The following KHK variants were observed in gnomAD, a reference collection of about 807,000 sequenced individuals.
KHK encodes the protein ketohexokinase.
In KHK, 37 loss-of-function variants were observed where a neutral mutation model predicts 36.0. That is an observed-to-expected ratio of 1.03 (90% CI 0.79 to 1.35). The LOEUF is 1.35. Among genes scored for constraint, KHK ranks in the 40% most tolerant of loss-of-function variants. The pLI is 0.00. For synonymous variants in KHK, 161 were observed against 162.8 expected, an observed-to-expected ratio of 0.99 and a Z score of 0.08; for missense variants, 395 against 391.9, an observed-to-expected ratio of 1.01 and a Z score of -0.07.
intron 2 of KHK, 181 bp from the exon 3 acceptor site, chr2:27,094,619 C>A (rs1392185814): frequency 6.2e-7 from 1 of 1,614,108 alleles, no homozygotes; most frequent in East Asian, 2.2e-5. Context: ...CAGGTTTGTA[C>A]AACTGTCTGT....
At position 27,100,402 on chromosome 2, in the gene KHK, C is replaced by A. The variant is rs1334882192; in HGVS notation, c.*652C>A. On this transcript the variant is annotated 3_prime_UTR_variant, in exon 8 of 8. Transcript: ENST00000260598. ...ACTGCCCCAGAGCCTGAAAGTCTCA[C>A]CCTTGGAGCCCACCTTGGAATTAAG... is the stretch of plus-strand genomic sequence containing the variant. The A allele has an allele frequency of 3.1e-6, 4 of 1,286,464 alleles. No homozygotes were observed. In the Admixed American group the frequency reaches 9.2e-5, roughly 30 times the overall value. The allele number at this position is 1,286,464 out of a possible 1,614,324, so 79.7% of individuals were successfully genotyped here.
Position 27,100,640 on chromosome 2 carries a change from CAGCACTT to C in KHK, c.*892_*898del, listed in dbSNP as rs1435039207. 10 of 1,089,398 alleles carry C rather than the reference CAGCACTT, an allele frequency of 9.2e-6. No individual in the cohort carries two copies. Among genetic ancestry groups the C allele is most frequent in the Non-Finnish European group, 1.2e-5 (10 of 835,432 alleles). 67.5% of individuals were successfully genotyped at this position (1,089,398 alleles called of 1,614,324 possible). A position where few individuals can be genotyped will look rare whatever the true frequency, so the allele number is the denominator to read the frequency against. On this transcript the variant is annotated 3_prime_UTR_variant, in exon 8 of 8. Transcript: ENST00000260598. The stretch of plus-strand genomic sequence containing the variant: ...ATTAGCTGCATATCACCTTAGGGTA[CAGCACTT>C]AACGCAATCTGCCTCAATTTCTTCA...
intron 2 of KHK, chr2:27,094,367 C>T (rs894918868): frequency 7.6e-7 from 1 of 1,321,964 alleles, no homozygotes; most frequent in Non-Finnish European, 1.1e-6. Context: ...TCCCAGCCCC[C>T]TTTGCTTGCA....
In KHK at chr2:27,099,878, T is replaced by A. The variant is rs571250340; in HGVS notation, c.*128T>A. 6.5e-7 allele frequency: 1 copy of A among 1,547,000 alleles called. No individual in the cohort carries two copies. The highest frequency in any genetic ancestry group is 2.0e-5 in the Admixed American group (1 of 51,042). ...CAGATGCAAGCTGTGGGGAGGACTCTGCCTGTGTCCTGTGTTCCCCACAGG... is the reference window on the plus strand; with the variant it reads ...CAGATGCAAGCTGTGGGGAGGACTCAGCCTGTGTCCTGTGTTCCCCACAGG... On this transcript the variant is annotated 3_prime_UTR_variant, in exon 8 of 8. Transcript: ENST00000260598.
At chr2:27,092,567 C>A in intron 2 of KHK, 119 bp downstream of exon 2, 1 of 770,294 alleles carries the variant, frequency 1.3e-6, no homozygotes, top group Non-Finnish European at 2.2e-6. Flanking sequence ...AGCAGAAACG[C>A]GGGGAGGGGG....
intron 3 of KHK, 91 bp from the exon 4 acceptor site, chr2:27,096,638 G>A: frequency 1.0e-6 from 1 of 987,858 alleles, no homozygotes; most frequent in Non-Finnish European, 1.6e-6. Flanking sequence ...AGCAGTGCAG[G>A]CACAGGGTCC....
intron 1 of KHK, among the ~76,000 whole-genome samples, chr2:27,091,806 A>G (rs527614025): frequency 3.0e-4 from 46 of 152,326 alleles, no homozygotes; most frequent in South Asian, 6.2e-4. Flanking sequence ...ACCAACGTCC[A>G]GGTTTGCTGT....
chr2:27,100,494 G>T lies in KHK; in HGVS notation c.*744G>T, dbSNP rs1404645455. On this transcript the variant is annotated 3_prime_UTR_variant, in exon 8 of 8. Coordinates refer to ENST00000260598, the MANE Select transcript of KHK (RefSeq NM_006488.3). ...TGCTGTCCTCAGGGAGGTCCGATCTGGAACACATATTGGAATTGGGGCCAA... is the reference window on the plus strand; with the variant it reads ...TGCTGTCCTCAGGGAGGTCCGATCTTGAACACATATTGGAATTGGGGCCAA... The T allele has an allele frequency of 1.5e-6, 2 of 1,290,990 alleles. No individual in the cohort carries two copies. The highest frequency in any genetic ancestry group is 5.5e-5 in the East Asian group (1 of 18,160). 80.0% of individuals were successfully genotyped at this position (1,290,990 alleles called of 1,614,324 possible).
chr2:27,099,664 G>C lies in KHK; in HGVS notation c.812-1G>C. On this transcript the variant is annotated splice_acceptor_variant, in intron 7 of 7. Transcript: ENST00000260598. LOFTEE classifies it high-confidence loss of function. ...GACCTAGCTACTTGCCCCTCCTCCA[G>C]GGAGGAGCGTGCAGGAAGCACTGAG... 6.2e-7 allele frequency: 1 copy of C among 1,614,128 alleles called. No individual in the cohort carries two copies. Among genetic ancestry groups the C allele is most frequent in the South Asian group, 1.1e-5 (1 of 91,086 alleles).
intron 2 of KHK, chr2:27,094,484 C>T (rs1670206273): frequency 1.9e-6 from 3 of 1,613,586 alleles, no homozygotes; most frequent in African/African-American, 1.3e-5. Context: ...CAGTTTTGTC[C>T]TGGATGACCT....
intron 2 of KHK, 111 bp from the exon 3 acceptor site, chr2:27,094,689 G>C (rs1388169344): frequency 1.2e-5 from 19 of 1,613,122 alleles, no homozygotes; most frequent in Non-Finnish European, 1.5e-5. Flanking sequence ...TCTTCTCTTA[G>C]AGGCTCGTGT....
At chr2:27,089,489 A>C (rs1669857578) in intron 1 of KHK, among the ~76,000 whole-genome samples, 1 of 152,184 alleles carries the variant, frequency 6.6e-6, no homozygotes, top group South Asian at 2.1e-4. Context: ...GTCAGAGCTG[A>C]AGTCCCATTT....
At chr2:27,094,688 A>G (rs536698201) in intron 2 of KHK, 112 bp from the exon 3 acceptor site, 54 of 1,613,108 alleles carry the variant, frequency 3.3e-5, no homozygotes, top group African/African-American at 6.7e-5. Flanking sequence ...TTCTTCTCTT[A>G]GAGGCTCGTG....
Position 27,096,813 on chromosome 2 carries a change from C to G in KHK, c.417+12C>G, listed in dbSNP as rs372547726. 3.1e-5 allele frequency: 50 copies of G among 1,608,452 alleles called. No individual in the cohort carries two copies. Among genetic ancestry groups the G allele is most frequent in the Non-Finnish European group, 4.1e-5 (48 of 1,175,092 alleles). The stretch of plus-strand genomic sequence containing the variant: ...GGATCCACATTGAGGTAAGCCCTGC[C>G]TTACCTGTGTTTCAAGGGGCTCAAC... On this transcript the variant is annotated intron_variant, in intron 4 of 7. Coordinates refer to ENST00000260598, the MANE Select transcript of KHK (RefSeq NM_006488.3).
chr2:27,089,373 AC>A (rs1288418308), intron 1 of KHK, among the ~76,000 whole-genome samples: 1 of 152,148 alleles, frequency 6.6e-6, no homozygotes, highest in Non-Finnish European at 1.5e-5. Flanking sequence ...AGGACATGGC[AC>A]TCAGTGAGGA....
rs1194843132 is a variant in KHK, at chr2:27,096,710, T to A, written c.345-19T>A. 6.2e-7 allele frequency: 1 copy of A among 1,609,964 alleles called. No individual in the cohort carries two copies. Among genetic ancestry groups the A allele is most frequent in the East Asian group, 2.2e-5 (1 of 44,880 alleles). ...CCATCATGCTCCTTCTTCTCTGTCTTTTCCATCCTGTGACCTAGGAGCCTG... is the reference window on the plus strand; with the variant it reads ...CCATCATGCTCCTTCTTCTCTGTCTATTCCATCCTGTGACCTAGGAGCCTG... On this transcript the variant is annotated intron_variant, in intron 3 of 7. Coordinates refer to ENST00000260598, the MANE Select transcript of KHK (RefSeq NM_006488.3).
At chr2:27,091,237 T>A (rs1669983720) in intron 1 of KHK, among the ~76,000 whole-genome samples, 1 of 151,800 alleles carries the variant, frequency 6.6e-6, no homozygotes, top group Non-Finnish European at 1.5e-5. Flanking sequence ...TGCACCACCA[T>A]ACCCAGCTAA....
chr2:27,091,254 ATTT>A (rs60898678), intron 1 of KHK, among the ~76,000 whole-genome samples: 3 of 141,352 alleles, frequency 2.1e-5, no homozygotes, highest in Admixed American at 7.0e-5. Flanking sequence ...CTAATTTTTA[ATTT>A]TTTTTTTTTT....
chr2:27,099,019 A>G (rs4665944), intron 5 of KHK, 177 bp from the exon 6 acceptor site: 652,250 of 655,476 alleles, frequency 1, 324,578 homozygotes, highest in East Asian at 1. Flanking sequence ...CAGGGAGACC[A>G]TCTTCACAAA....
Sources: gnomAD v4.1 joint callset for allele counts (sites outside exome capture counted in the v4.1 genomes callset) on GRCh38, gnomAD v4.1.1 for gene constraint, MANE v1.5 for transcripts, NCBI Gene and HGNC (gene_info 2026-07-23, HGNC 2026-07-21) for gene names.